N4BP2: variants seen among roughly 807,000 people sequenced by gnomAD.
N4BP2 encodes the protein NEDD4-binding protein 2.
In N4BP2, 91 loss-of-function variants were observed where a neutral mutation model predicts 152.8. The observed-to-expected ratio is 0.60, with a 90% CI of 0.50 to 0.71. The LOEUF (loss-of-function observed/expected upper bound fraction) is 0.71, where lower values mean the gene tolerates loss of function less well. N4BP2 is among the 30% of genes least tolerant of loss of function. N4BP2 has a pLI of 0.00. For synonymous variants in N4BP2, 646 were observed against 705.3 expected, an observed-to-expected ratio of 0.92 and a Z score of 1.33; for missense variants, 1,923 against 2,059.1, an observed-to-expected ratio of 0.93 and a Z score of 1.28.
the N4BP2 span, among the ~76,000 whole-genome samples, chr4:40,179,487 A>C: frequency 6.6e-6 from 1 of 152,236 alleles, no homozygotes; most frequent in East Asian, 1.9e-4. Flanking sequence ...GGTGCTAAGC[A>C]GTTGGTATGT....
intron 3 of N4BP2, among the ~76,000 whole-genome samples, chr4:40,101,058 C>T (rs1715600307): frequency 6.6e-6 from 1 of 152,222 alleles, no homozygotes; most frequent in Non-Finnish European, 1.5e-5. Flanking sequence ...ACTTTTTAAT[C>T]TTCAAGTCCC....
intron 17 of N4BP2, 74 bp downstream of exon 17, chr4:40,152,977 G>A (rs1197708831): frequency 6.7e-7 from 1 of 1,487,798 alleles, no homozygotes; most frequent in African/African-American, 1.4e-5. Context: ...TGTGAGTATA[G>A]ATTTCTGTTA....
rs1203209942 is a variant in N4BP2, at chr4:40,121,035, T to A, written c.2924T>A (p.Leu975Ter). The change falls in exon 9 of 18, where the codon TTG becomes TAG. Residue 975 changes from leucine to a stop codon, truncating the protein, a stop_gained. Coordinates refer to ENST00000261435, the MANE Select transcript of N4BP2 (RefSeq NM_018177.6). LOFTEE classifies it high-confidence loss of function. The stretch of plus-strand genomic sequence containing the variant: ...AAGAGTCATGGGCAACACACATCGT[T>A]GCCTCTTACTTTTACCAATAGTGCA... ...SKKSHGQHTS[L>*]PLTFTNSAPT... is the part of the protein sequence containing the mutation. The A allele has an allele frequency of 6.2e-7, 1 of 1,614,102 alleles. No individual in the cohort carries two copies. The highest frequency in any genetic ancestry group is 2.2e-5 in the East Asian group (1 of 44,876).
chr4:40,120,377 G>A lies in N4BP2; in HGVS notation c.2266G>A (p.Val756Met). Residue 756 changes from valine to methionine, a missense_variant, in exon 9 of 18, where the codon GTG (valine) becomes ATG (methionine). Transcript: ENST00000261435. ...TGAAAAATCCTCACCTGGTGAAATA[G>A]TGGAAGAAAGAGCAACAGTAACGAA... ...QNEKSSPGEI[V>M]EERATVTKKA... The A allele has an allele frequency of 6.2e-7, 1 of 1,613,692 alleles. No homozygotes were observed. Among genetic ancestry groups the A allele is most frequent in the Non-Finnish European group, 8.5e-7 (1 of 1,179,936 alleles).
intron 13 of N4BP2, among the ~76,000 whole-genome samples, chr4:40,136,383 T>TATCTATCTATCTATC (rs1560631987): frequency 2.7e-5 from 4 of 150,260 alleles, no homozygotes; most frequent in African/African-American, 4.9e-5. Context: ...TCTATCTATC[T>TATCTATCTATCTATC]ATCTATCTAT....
At chr4:40,063,635 A>T (rs748260075) in intron 1 of N4BP2, among the ~76,000 whole-genome samples, 3 of 152,122 alleles carry the variant, frequency 2.0e-5, no homozygotes, top group African/African-American at 2.4e-5. Flanking sequence ...ATTTTTAATT[A>T]AATTAATTAA....
chr4:40,087,151 C>T (rs1714053808), intron 2 of N4BP2, among the ~76,000 whole-genome samples: 1 of 151,974 alleles, frequency 6.6e-6, no homozygotes, highest in Admixed American at 6.6e-5. Flanking sequence ...GATATGGAGT[C>T]AAGTTATATT....
the N4BP2 span, among the ~76,000 whole-genome samples, chr4:40,183,492 T>C: frequency 8.5e-5 from 13 of 152,174 alleles, no homozygotes; most frequent in South Asian, 2.1e-4. Context: ...CCCGCTACCG[T>C]GCCCAGCTAA....
intron 14 of N4BP2, 37 bp from the exon 15 acceptor site, chr4:40,142,635 CT>C (rs1560639101): frequency 1.5e-5 from 21 of 1,442,800 alleles, no homozygotes; most frequent in Non-Finnish European, 2.0e-5. Context: ...TTTTTTTTAA[CT>C]TTCTGTGTGT....
At chr4:40,069,232 G>A (rs1429377952) in intron 1 of N4BP2, among the ~76,000 whole-genome samples, 1 of 152,040 alleles carries the variant, frequency 6.6e-6, no homozygotes, top group Non-Finnish European at 1.5e-5. Flanking sequence ...GAGGTCAGGA[G>A]TTCAAGACCA....
the N4BP2 span, among the ~76,000 whole-genome samples, chr4:40,185,040 C>G: frequency 6.6e-6 from 1 of 152,128 alleles, no homozygotes; most frequent in East Asian, 1.9e-4. Context: ...ATAGCTTACT[C>G]TTTGTAATAA....
chr4:40,158,460 TC>T (rs1345378953), downstream of N4BP2, among the ~76,000 whole-genome samples: 8 of 152,184 alleles, frequency 5.3e-5, no homozygotes, highest in African/African-American at 1.7e-4. Flanking sequence ...ATGGTTTCTC[TC>T]CTCACACCCT....
chr4:40,168,791 C>G, the N4BP2 span, among the ~76,000 whole-genome samples: 1 of 151,516 alleles, frequency 6.6e-6, no homozygotes, highest in African/African-American at 2.4e-5. Flanking sequence ...ATGGTGCAGT[C>G]TTGGCTTACT....
intron 17 of N4BP2, 46 bp downstream of exon 17, chr4:40,152,949 A>C: frequency 6.3e-7 from 1 of 1,589,286 alleles, no homozygotes; most frequent in Non-Finnish European, 8.6e-7. Flanking sequence ...GCCCATATAG[A>C]TCTTTATCAG....
intron 7 of N4BP2, among the ~76,000 whole-genome samples, chr4:40,114,820 A>C (rs1229496768): frequency 6.6e-6 from 1 of 152,120 alleles, no homozygotes; most frequent in Admixed American, 6.6e-5. Flanking sequence ...TCTTTGTGAG[A>C]ATGTTTAGTT....
chr4:40,151,305 G>A (rs542341981), intron 16 of N4BP2, among the ~76,000 whole-genome samples: 1 of 152,184 alleles, frequency 6.6e-6, no homozygotes, highest in African/African-American at 2.4e-5. Flanking sequence ...TGGGAGTCTG[G>A]CTCTGTTGCC....
chr4:40,102,020 A>T lies in N4BP2; in HGVS notation c.230-55A>T, dbSNP rs1715699782. On this transcript the variant is annotated intron_variant, in intron 3 of 17. Transcript: ENST00000261435. Reference sequence around the variant, plus strand: ...AGCTGGATTTTAATAAAATTATTAAATCTGTTTTCTCTGTCTATATTTTTG... The same window carrying T: ...AGCTGGATTTTAATAAAATTATTAATTCTGTTTTCTCTGTCTATATTTTTG... 8.3e-6 allele frequency: 9 copies of T among 1,085,468 alleles called. No homozygotes were observed. The South Asian group carries it at 1.8e-4, about 22-fold the overall frequency. The allele number at this position is 1,085,468 out of a possible 1,614,324, so 67.2% of individuals were successfully genotyped here.
chr4:40,064,812 C>T (rs1255372686), intron 1 of N4BP2, among the ~76,000 whole-genome samples: 2 of 151,956 alleles, frequency 1.3e-5, no homozygotes, highest in African/African-American at 4.8e-5. Flanking sequence ...CTCTGTTGCC[C>T]AGGCTGGAGT....
chr4:40,174,623 T>C, the N4BP2 span, among the ~76,000 whole-genome samples: 1 of 152,030 alleles, frequency 6.6e-6, no homozygotes, highest in African/African-American at 2.4e-5. Context: ...GCCAACATGG[T>C]GAAACCCTGT....
Sources: allele counts gnomAD v4.1 joint callset (sites outside exome capture counted in the v4.1 genomes callset), GRCh38; gene constraint gnomAD v4.1.1; transcripts MANE v1.5; gene names NCBI Gene and HGNC (gene_info 2026-07-23, HGNC 2026-07-21).